The following SLC19A3 variants were observed in gnomAD, a reference collection of about 807,000 sequenced individuals.
SLC19A3 encodes solute carrier family 19 member 3.
A neutral mutation model predicts 40.2 loss-of-function variants in SLC19A3; 31 were observed. The observed-to-expected ratio is 0.77, with a 90% CI of 0.58 to 1.04. The LOEUF is 1.04. Among genes scored for constraint, SLC19A3 ranks in the 50% least tolerant of loss-of-function variants. The pLI is 0.00. For synonymous variants in SLC19A3, 212 were observed against 227.5 expected, an observed-to-expected ratio of 0.93 and a Z score of 0.61; for missense variants, 592 against 596.7, an observed-to-expected ratio of 0.99 and a Z score of 0.08.
intron 4 of SLC19A3, among the ~76,000 whole-genome samples, chr2:227,688,865 G>A (rs1695119191): frequency 6.6e-6 from 1 of 152,022 alleles, no homozygotes; most frequent in Non-Finnish European, 1.5e-5. Context: ...AAAACGCAAA[G>A]AAATTCAAGA....
At chr2:227,710,620 T>C (rs1696103913) in intron 1 of SLC19A3, among the ~76,000 whole-genome samples, 1 of 151,998 alleles carries the variant, frequency 6.6e-6, no homozygotes, top group Non-Finnish European at 1.5e-5. Flanking sequence ...GAAAAACGAA[T>C]CTTACAGAGC....
At chr2:227,700,651 A>G (rs142686871) in intron 2 of SLC19A3, among the ~76,000 whole-genome samples, 241 of 152,156 alleles carry the variant, frequency 1.6e-3, no homozygotes, top group African/African-American at 5.7e-3. Flanking sequence ...GGGAAAGAGT[A>G]AATAACTTTG....
chr2:227,694,314 T>A (rs1325556717), intron 4 of SLC19A3, among the ~76,000 whole-genome samples: 1 of 150,832 alleles, frequency 6.6e-6, no homozygotes, highest in East Asian at 1.9e-4. Flanking sequence ...GCCGTGAATA[T>A]TTTTTTTTAA....
intron 4 of SLC19A3, among the ~76,000 whole-genome samples, chr2:227,689,363 G>T (rs1159496189): frequency 6.6e-6 from 1 of 152,128 alleles, no homozygotes; most frequent in African/African-American, 2.4e-5. Context: ...TCTAAAAGGA[G>T]CAAGAGAAAG....
Position 227,699,600 on chromosome 2 carries a change from C to G in SLC19A3, c.151-36G>C, listed in dbSNP as rs111818722. 7 of 1,545,972 alleles carry G rather than the reference C, an allele frequency of 4.5e-6. No individual in the cohort carries two copies. In the African/African-American group the frequency reaches 8.1e-5, roughly 18 times the overall value. ...GGTAAATTGCATGACCACGAAGCAC[C>G]GGTACTTTACTAAGGTACCTGTGGT... is the stretch of plus-strand genomic sequence containing the variant. On this transcript the variant is annotated intron_variant, in intron 2 of 5. Transcript: ENST00000644224.
chr2:227,716,211 C>T (rs1343534771), intron 1 of SLC19A3, among the ~76,000 whole-genome samples: 1 of 152,154 alleles, frequency 6.6e-6, no homozygotes, highest in Non-Finnish European at 1.5e-5. Flanking sequence ...AGGTTTATCC[C>T]ATGAAGGACA....
chr2:227,687,448 A>G lies in SLC19A3; in HGVS notation c.1440T>C (p.Asp480=), dbSNP rs1695058030. Reference sequence around the variant, plus strand: ...TACTCTCTTCCTCTGGGTGAGACACATCTGGATTCTCACTTGGAGCAGGGC... The same window carrying G: ...TACTCTCTTCCTCTGGGTGAGACACGTCTGGATTCTCACTTGGAGCAGGGC... ...VQSPAPSENP[D]VSHPEEESNI... The change falls in exon 6 of 6, where the codon GAT becomes GAC. Residue 480 remains aspartate, a synonymous_variant. Transcript: ENST00000644224. The G allele has an allele frequency of 6.2e-7, 1 of 1,614,122 alleles. No individual in the cohort carries two copies. The highest frequency in any genetic ancestry group is 8.5e-7 in the Non-Finnish European group (1 of 1,179,964).
intron 1 of SLC19A3, 72 bp downstream of exon 1, chr2:227,717,871 G>A: frequency 3.1e-6 from 3 of 975,984 alleles, no homozygotes; most frequent in East Asian, 1.1e-4. Flanking sequence ...CCCGGGAAGA[G>A]AGAGGCGACA....
chr2:227,717,707 T>C (rs1447049167), intron 1 of SLC19A3, among the ~76,000 whole-genome samples: 1 of 152,210 alleles, frequency 6.6e-6, no homozygotes, highest in Admixed American at 6.5e-5. Context: ...TTTTATTTAA[T>C]CTGCGCTTCC....
chr2:227,689,623 C>T (rs1312432145), intron 4 of SLC19A3, among the ~76,000 whole-genome samples: 1 of 152,120 alleles, frequency 6.6e-6, no homozygotes, highest in African/African-American at 2.4e-5. Context: ...ACTTCCATCT[C>T]TAAGAAAAGG....
intron 1 of SLC19A3, among the ~76,000 whole-genome samples, chr2:227,707,416 C>T (rs539991239): frequency 6.7e-4 from 102 of 152,112 alleles, no homozygotes; most frequent in African/African-American, 2.5e-3. Flanking sequence ...GAAACCCTGT[C>T]TCTACAAAAA....
rs559172864 is a variant in SLC19A3 at position 227,697,505 on chromosome 2, G to C, written c.979+1231C>G. ...GCCCTCATTTAAATACCATGAGAAA[G>C]CTGCTTTTGAAAGTTGTTGGTGTAT... On this transcript the variant is annotated intron_variant, in intron 3 of 5. Transcript: ENST00000644224. Among the ~76,000 whole-genome samples the C allele has an allele frequency of 9.2e-5, 14 of 152,290 alleles. No individual in the cohort carries two copies. The South Asian group carries it at 2.7e-3, about 29-fold the overall frequency.
chr2:227,699,466 G>C lies in SLC19A3; in HGVS notation c.249C>G (p.Ile83Met). The stretch of plus-strand genomic sequence containing the variant: ...TGATGAAACTGATACCTTGCAAGAT[G>C]ATGACTGGCTTGTAGCGGACATAAT... ...LTDYVRYKPV[I>M]ILQGISFIIT... Residue 83 changes from isoleucine to methionine, a missense_variant, in exon 3 of 6, where the codon ATC becomes ATG. Coordinates refer to ENST00000644224, the MANE Select transcript of SLC19A3 (RefSeq NM_025243.4). 6.2e-7 allele frequency: 1 copy of C among 1,614,236 alleles called. No individual in the cohort carries two copies. The highest frequency in any genetic ancestry group is 8.5e-7 in the Non-Finnish European group (1 of 1,180,046).
chr2:227,706,627 C>G, intron 1 of SLC19A3: 1 of 269,578 alleles, frequency 3.7e-6, no homozygotes, highest in Non-Finnish European at 6.3e-6. Context: ...AAAAATTAGT[C>G]GGTTGCGGTG....
rs1240748024 is a variant in SLC19A3, at chr2:227,686,066, G to A, written c.*1331C>T. On this transcript the variant is annotated 3_prime_UTR_variant, in exon 6 of 6. Transcript: ENST00000644224. ...ACAAAAATTAGCCAGGCGTGGTGGT[G>A]TGCACCCATAGTCCCAGCTACTTGG... 4.7e-6 allele frequency: 2 copies of A among 423,080 alleles called. No homozygotes were observed. Among genetic ancestry groups the A allele is most frequent in the South Asian group, 1.7e-5 (1 of 59,634 alleles). 26.2% of individuals were successfully genotyped at this position (423,080 alleles called of 1,614,324 possible). A position where few individuals can be genotyped will look rare whatever the true frequency, so the allele number is the denominator to read the frequency against.
At chr2:227,697,973 G>T (rs1695507161) in intron 3 of SLC19A3, among the ~76,000 whole-genome samples, 1 of 151,868 alleles carries the variant, frequency 6.6e-6, no homozygotes, top group Admixed American at 6.6e-5. Context: ...CAGCTACTCA[G>T]GAGGCTGAGG....
chr2:227,695,353 A>T (rs1341085516), intron 4 of SLC19A3, among the ~76,000 whole-genome samples: 1 of 152,214 alleles, frequency 6.6e-6, no homozygotes, highest in Non-Finnish European at 1.5e-5. Flanking sequence ...CTGTAATTCC[A>T]GCACTTTGGG....
rs74971746 is a variant in SLC19A3 at position 227,688,045 on chromosome 2, G to T, written c.1314+121C>A. 25,841 of 1,077,790 alleles carry T rather than the reference G, an allele frequency of 0.024. 1,942 individuals carry two copies. The highest frequency in any genetic ancestry group is 0.24 in the African/African-American group (15,154 of 63,880). 66.8% of individuals were successfully genotyped at this position (1,077,790 alleles called of 1,614,324 possible). A position where few individuals can be genotyped will look rare whatever the true frequency, so the allele number is the denominator to read the frequency against. On this transcript the variant is annotated intron_variant, in intron 5 of 5. Transcript: ENST00000644224. ...ACTTGGTGTGTTATAATATGATAAT[G>T]AAGGAATTATGTATTTTTTAATTGC...
chr2:227,696,100 G>A lies in SLC19A3; in HGVS notation c.980-19C>T. ...ACAGCCCCTGAAAAAAAACATTGAA[G>A]GCAATCAAACATAATGACTTTGCAT... On this transcript the variant is annotated intron_variant, in intron 3 of 5. Transcript: ENST00000644224. The A allele has an allele frequency of 6.2e-7, 1 of 1,612,108 alleles. No individual in the cohort carries two copies.
Sources: gnomAD v4.1 joint callset for allele counts (sites outside exome capture counted in the v4.1 genomes callset) on GRCh38, gnomAD v4.1.1 for gene constraint, MANE v1.5 for transcripts, NCBI Gene and HGNC (gene_info 2026-07-23, HGNC 2026-07-21) for gene names.